Variants in GYG1 observed in about 807,000 individuals in gnomAD.
GYG1 encodes the protein glycogenin-1.
GYG1 carries 44 observed loss-of-function variants against 41.9 expected under a neutral mutation model. The observed-to-expected ratio is 1.05, with a 90% CI of 0.83 to 1.35. The LOEUF (loss-of-function observed/expected upper bound fraction) is 1.35. Among genes scored for constraint, GYG1 ranks in the 40% most tolerant of loss-of-function variants. The pLI is 0.00. For missense variants in GYG1, 429 were observed against 418.9 expected, an observed-to-expected ratio of 1.02 and a Z score of -0.21; for synonymous variants, 141 against 158.1, an observed-to-expected ratio of 0.89 and a Z score of 0.81.
At chr3:149,017,582 GTTTTTTTTTTT>G (rs58075146) in intron 5 of GYG1, among the ~76,000 whole-genome samples, 12 of 47,380 alleles carry the variant, frequency 2.5e-4, no homozygotes, top group East Asian at 8.9e-4. Context: ...TTTTATTTAG[GTTTTTTTTTTT>G]TTTTTTTTTT....
rs541398831 is a variant in GYG1, at chr3:149,027,006, T to G, written c.*73T>G. 1.3e-6 allele frequency: 2 copies of G among 1,493,768 alleles called. No individual in the cohort carries two copies. Among genetic ancestry groups the G allele is most frequent in the South Asian group, 2.3e-5 (2 of 88,660 alleles). The allele number at this position is 1,493,768 out of a possible 1,614,324, so 92.5% of individuals were successfully genotyped here. Reference sequence around the variant, plus strand: ...CTGATACTTAGTATCTAGAGCTGGGTTGAGAAAAGTCTGTTACAGTTGCTA... The same window carrying G: ...CTGATACTTAGTATCTAGAGCTGGGGTGAGAAAAGTCTGTTACAGTTGCTA... On this transcript the variant is annotated 3_prime_UTR_variant, in exon 8 of 8. Transcript: ENST00000345003.
intron 1 of GYG1, among the ~76,000 whole-genome samples, chr3:148,992,190 G>C (rs911834208): frequency 6.6e-6 from 1 of 152,282 alleles, no homozygotes; most frequent in African/African-American, 2.4e-5. Flanking sequence ...GGGAAGCCGG[G>C]AGTCGGACTA....
At chr3:149,013,032 T>TGTGTGTGTGTGTGTGTGTGTGTGTGTG (rs61477065) in intron 5 of GYG1, among the ~76,000 whole-genome samples, 1 of 150,824 alleles carries the variant, frequency 6.6e-6, no homozygotes, top group Non-Finnish European at 1.5e-5. Flanking sequence ...TGTGTGTGTG[T>TGTGTGTGTGTGTGTGTGTGTGTGTGTG]TTTATAGAGA....
intron 5 of GYG1, among the ~76,000 whole-genome samples, chr3:149,013,804 G>T (rs556301973): frequency 9.9e-5 from 15 of 152,144 alleles, no homozygotes; most frequent in African/African-American, 2.9e-4. Flanking sequence ...CACCTCCTTG[G>T]CTCCAACTCT....
chr3:149,007,416 T>C (rs867999750), intron 4 of GYG1, among the ~76,000 whole-genome samples: 4 of 152,240 alleles, frequency 2.6e-5, no homozygotes, highest in Non-Finnish European at 5.9e-5. Flanking sequence ...CTGTTGTTCG[T>C]CCTTTGAGGA....
At chr3:149,012,997 T>TTGTGTGTGTGTGTGTGTGTGTGTG (rs10575910) in intron 5 of GYG1, among the ~76,000 whole-genome samples, 70 of 141,456 alleles carry the variant, frequency 4.9e-4, no homozygotes, top group Admixed American at 9.1e-4. Flanking sequence ...CTCAGTTAAT[T>TTGTGTGTGTGTGTGTGTGTGTGTG]TGTGTGTGTG....
chr3:148,991,792 G>C, intron 1 of GYG1, 145 bp downstream of exon 1: 1 of 699,354 alleles, frequency 1.4e-6, no homozygotes. Context: ...GCAGCCGGGC[G>C]TGTTTCTGCC....
intron 7 of GYG1, 53 bp downstream of exon 7, chr3:149,026,555 A>C: frequency 6.8e-6 from 8 of 1,181,714 alleles, no homozygotes; most frequent in Non-Finnish European, 1.0e-5. Flanking sequence ...CAATGTTTTC[A>C]CTGAGTCAAG....
At chr3:148,997,649 G>A (rs59895245) in intron 4 of GYG1, among the ~76,000 whole-genome samples, 4,055 of 152,276 alleles carry the variant, frequency 0.027, 191 homozygotes, top group African/African-American at 0.093. Context: ...AAAACACACA[G>A]GACAAAACCA....
At position 149,026,860 on chromosome 3, in the gene GYG1, AG is replaced by A; in HGVS notation, c.983del (p.Gly328AlafsTer43). ...GAAGAACGGAAGGAACGATGGGAAC[AG>A]GGCCAGGCTGATTATATGGGAGCAG... ...SSEERKERWE[Q>X]GQADYMGADS... On this transcript the variant is annotated frameshift_variant, in exon 8 of 8. Coordinates refer to ENST00000345003, the MANE Select transcript of GYG1 (RefSeq NM_004130.4). LOFTEE classifies it high-confidence loss of function. The A allele has an allele frequency of 6.2e-7, 1 of 1,613,942 alleles. No homozygotes were observed. Among genetic ancestry groups the A allele is most frequent in the Non-Finnish European group, 8.5e-7 (1 of 1,179,792 alleles).
intron 1 of GYG1, among the ~76,000 whole-genome samples, chr3:148,993,664 A>G (rs1031583535): frequency 1.3e-5 from 2 of 152,150 alleles, no homozygotes; most frequent in African/African-American, 2.4e-5. Context: ...ACATACATAC[A>G]TTCCTGAGGC....
intron 4 of GYG1, among the ~76,000 whole-genome samples, chr3:149,007,664 A>G (rs1296927834): frequency 6.6e-6 from 1 of 152,212 alleles, no homozygotes; most frequent in African/African-American, 2.4e-5. Context: ...AATAGTAACG[A>G]CAGCCGACTG....
At chr3:149,003,367 C>T (rs1371921410) in intron 4 of GYG1, among the ~76,000 whole-genome samples, 3 of 152,034 alleles carry the variant, frequency 2.0e-5, no homozygotes, top group Non-Finnish European at 2.9e-5. Context: ...CCACCCACCT[C>T]GGCCTCCCAA....
intron 4 of GYG1, among the ~76,000 whole-genome samples, chr3:148,999,913 C>T (rs763285471): frequency 1.5e-4 from 23 of 152,160 alleles, no homozygotes; most frequent in Non-Finnish European, 2.6e-4. Flanking sequence ...TTACAGATGA[C>T]TGTATCTCAG....
intron 4 of GYG1, among the ~76,000 whole-genome samples, chr3:149,007,798 A>G (rs533426138): frequency 6.6e-6 from 1 of 152,174 alleles, no homozygotes; most frequent in East Asian, 1.9e-4. Flanking sequence ...ATCCCCATAC[A>G]CACTCGCACA....
chr3:149,000,465 C>T (rs1472907527), intron 4 of GYG1, among the ~76,000 whole-genome samples: 1 of 152,184 alleles, frequency 6.6e-6, no homozygotes, highest in Non-Finnish European at 1.5e-5. Flanking sequence ...AGAGAGAGCT[C>T]ATTATATTGT....
At chr3:149,026,288 T>G (rs764200932) in intron 6 of GYG1, among the ~76,000 whole-genome samples, 164 bp from the exon 7 acceptor site, 1 of 152,212 alleles carries the variant, frequency 6.6e-6, no homozygotes, top group Non-Finnish European at 1.5e-5. Flanking sequence ...GATAACTGAG[T>G]ATGTGTTGCG....
intron 1 of GYG1, 70 bp downstream of exon 1, chr3:148,991,717 T>G: frequency 1.7e-6 from 2 of 1,206,672 alleles, no homozygotes; most frequent in Non-Finnish European, 2.3e-6. Context: ...GCCTCCCTTC[T>G]CCTCCGCCCT....
At chr3:149,018,636 G>A (rs146858955) in intron 5 of GYG1, among the ~76,000 whole-genome samples, 1 of 152,060 alleles carries the variant, frequency 6.6e-6, no homozygotes, top group East Asian at 1.9e-4. Flanking sequence ...GGGCTCTTGG[G>A]CTGGTCTAAA....
Sources: gnomAD v4.1 joint callset for allele counts (sites outside exome capture counted in the v4.1 genomes callset) on GRCh38, gnomAD v4.1.1 for gene constraint, MANE v1.5 for transcripts, NCBI Gene and HGNC (gene_info 2026-07-23, HGNC 2026-07-21) for gene names.